Variants in BTRC observed in about 807,000 individuals in gnomAD.
The protein encoded by BTRC is F-box/WD repeat-containing protein 1A.
In BTRC, 42 loss-of-function variants were observed where a neutral mutation model predicts 85.5. The ratio of observed to expected loss-of-function variants is 0.49; its 90% CI spans 0.38 to 0.64. The LOEUF (loss-of-function observed/expected upper bound fraction) is 0.64. Among genes scored for constraint, BTRC ranks in the 30% least tolerant of loss-of-function variants. The pLI is 0.00. For synonymous variants in BTRC, 255 were observed against 263.3 expected (o/e 0.97, Z 0.30); for missense variants, 594 against 743.5 (o/e 0.80, Z 2.34).
chr10:101,366,819 TTAA>T (rs1316961366), intron 1 of BTRC, among the ~76,000 whole-genome samples: 1 of 55,164 alleles, frequency 1.8e-5, no homozygotes, highest in African/African-American at 9.9e-5. Context: ...TTTATATATA[TTAA>T]TATATATTTA....
At chr10:101,474,206 T>C (rs911225769) in intron 3 of BTRC, among the ~76,000 whole-genome samples, 1 of 152,224 alleles carries the variant, frequency 6.6e-6, no homozygotes. Context: ...AAATGGTACA[T>C]TGCAGAAACT....
intron 1 of BTRC, among the ~76,000 whole-genome samples, chr10:101,400,280 A>G (rs375761445): frequency 6.6e-6 from 1 of 152,218 alleles, no homozygotes; most frequent in African/African-American, 2.4e-5. Context: ...ATATGGTTGC[A>G]TTTATTTATG....
At chr10:101,471,950 G>A (rs1287758051) in intron 3 of BTRC, among the ~76,000 whole-genome samples, 2 of 152,004 alleles carry the variant, frequency 1.3e-5, no homozygotes, top group Non-Finnish European at 2.9e-5. Flanking sequence ...GCCTCTTTCG[G>A]CAGGCTTCCA....
chr10:101,473,287 A>G (rs779943076), intron 3 of BTRC, among the ~76,000 whole-genome samples: 2 of 147,664 alleles, frequency 1.4e-5, no homozygotes, highest in Non-Finnish European at 3.0e-5. Context: ...TCTCCAGTAA[A>G]TTTTTTGATT....
intron 1 of BTRC, among the ~76,000 whole-genome samples, chr10:101,366,766 TTA>T (rs375980263): frequency 0.024 from 1,231 of 50,958 alleles, 60 homozygotes; most frequent in African/African-American, 0.06. Flanking sequence ...CTTAATCTAG[TTA>T]TATATATATA....
chr10:101,532,779 T>TGCGCGC (rs1397859990), intron 8 of BTRC, among the ~76,000 whole-genome samples, 173 bp from the exon 9 acceptor site: 44 of 81,526 alleles, frequency 5.4e-4, no homozygotes, highest in Non-Finnish European at 8.0e-4. Flanking sequence ...TGTGTGTGTG[T>TGCGCGC]GTGTGTGTGT....
At chr10:101,548,426 A>G (rs1394040586) in intron 13 of BTRC, among the ~76,000 whole-genome samples, 3 of 152,246 alleles carry the variant, frequency 2.0e-5, no homozygotes, top group Non-Finnish European at 4.4e-5. Context: ...ACATGCAGCA[A>G]CATAGAAGAA....
At chr10:101,467,407 C>G (rs887979045) in intron 3 of BTRC, among the ~76,000 whole-genome samples, 1 of 150,702 alleles carries the variant, frequency 6.6e-6, no homozygotes, top group African/African-American at 2.4e-5. Context: ...GTACACACAG[C>G]CAAGGGAGCT....
intron 1 of BTRC, among the ~76,000 whole-genome samples, chr10:101,356,068 G>A (rs923476878): frequency 2.6e-5 from 4 of 151,968 alleles, no homozygotes; most frequent in Admixed American, 6.6e-5. Flanking sequence ...GCCCAGGCTG[G>A]AGTGCAGTGG....
intron 6 of BTRC, among the ~76,000 whole-genome samples, chr10:101,530,507 A>C (rs1029585757): frequency 6.6e-6 from 1 of 152,304 alleles, no homozygotes; most frequent in East Asian, 1.9e-4. Flanking sequence ...AAAAAAAAAA[A>C]AACCTATAGG....
rs368161919 is a variant in BTRC, at chr10:101,462,010, T to C, written c.186T>C (p.Asn62=). The C allele has an allele frequency of 3.0e-5, 48 of 1,612,268 alleles. No individual in the cohort carries two copies. The African/African-American group carries it at 4.0e-4, about 13-fold the overall frequency. ...CCTCAGAGAGAGAAGACTGTAATAA[T>C]GGCGAACCCCCTAGGAAGATAATAC... The part of the protein sequence containing the change: ...QNSSEREDCN[N]GEPPRKIIPE... The change falls in exon 3 of 15, where the codon AAT becomes AAC. Residue 62 remains asparagine, a synonymous_variant. Coordinates refer to ENST00000370187, the MANE Select transcript of BTRC (RefSeq NM_033637.4).
intron 1 of BTRC, among the ~76,000 whole-genome samples, chr10:101,374,749 A>G (rs992493799): frequency 1.3e-5 from 2 of 151,018 alleles, no homozygotes; most frequent in Non-Finnish European, 2.9e-5. Flanking sequence ...AACCTGCACA[A>G]TGTGCACATG....
intron 2 of BTRC, among the ~76,000 whole-genome samples, chr10:101,455,186 G>A (rs937574585): frequency 7.9e-5 from 12 of 151,492 alleles, no homozygotes; most frequent in Non-Finnish European, 1.6e-4. Flanking sequence ...GAGTAGCTAG[G>A]ACGACAAGCA....
At chr10:101,533,806 G>A (rs555416747) in intron 9 of BTRC, among the ~76,000 whole-genome samples, 37 of 152,192 alleles carry the variant, frequency 2.4e-4, no homozygotes, top group African/African-American at 7.5e-4. Context: ...TAGAAAAGAC[G>A]GTTCCTGTTT....
chr10:101,415,489 AT>A (rs1943910437), intron 1 of BTRC, among the ~76,000 whole-genome samples: 2 of 10,032 alleles, frequency 2.0e-4, no homozygotes, highest in African/African-American at 1.1e-3. Context: ...ATTTTATTTT[AT>A]GTTATGTTAT....
rs528914808 is a variant in BTRC at position 101,536,546 on chromosome 10, A to C, written c.1470A>C (p.Leu490Phe). The change falls in exon 12 of 15, where the codon TTA becomes TTC. Residue 490 changes from leucine (L) to phenylalanine (F), a missense_variant. By Grantham distance (22) the Leu-to-Phe change is conservative. This residue lies in a region of BTRC where 373 missense variants were observed against 503.6 expected (regional missense o/e 0.74). Transcript: ENST00000370187. ...VSGSSDNTIR[L>F]WDIECGACLR... ...CTGACTTAATTTTCTCTTCCAGATT[A>C]TGGGACATAGAATGTGGTGCATGTT... 6.2e-7 allele frequency: 1 copy of C among 1,610,730 alleles called. No homozygotes were observed. Among genetic ancestry groups the C allele is most frequent in the Non-Finnish European group, 8.5e-7 (1 of 1,177,042 alleles).
At chr10:101,489,708 T>C (rs760707197) in intron 4 of BTRC, among the ~76,000 whole-genome samples, 6 of 152,158 alleles carry the variant, frequency 3.9e-5, no homozygotes, top group Non-Finnish European at 8.8e-5. Flanking sequence ...TCTATGAAAA[T>C]AAAATTGTAT....
chr10:101,544,518 T>C (rs567731629), intron 13 of BTRC, among the ~76,000 whole-genome samples: 1 of 151,626 alleles, frequency 6.6e-6, no homozygotes, highest in Non-Finnish European at 1.5e-5. Flanking sequence ...CAAGCAGTCC[T>C]CCTGACAGCT....
At chr10:101,472,275 C>CTCTTCTCTTCTCTTCTCT (rs1945546760) in intron 3 of BTRC, among the ~76,000 whole-genome samples, 1 of 114,244 alleles carries the variant, frequency 8.8e-6, no homozygotes, top group Admixed American at 1.0e-4. Context: ...TTTTCTTTTC[C>CTCTTCTCTTCTCTTCTCT]TCTCTTCTCT....
Sources: gnomAD v4.1 joint callset for allele counts (sites outside exome capture counted in the v4.1 genomes callset) on GRCh38, gnomAD v4.1.1 for gene constraint, gnomAD v4.1.1 regional missense constraint, MANE v1.5 for transcripts, NCBI Gene and HGNC (gene_info 2026-07-23, HGNC 2026-07-21) for gene names.